LILRB2: variants seen among roughly 807,000 people sequenced by gnomAD.
The protein encoded by LILRB2 is leukocyte immunoglobulin-like receptor subfamily B member 2.
A neutral mutation model predicts 72.7 loss-of-function variants in LILRB2; 47 were observed. That is an observed-to-expected ratio of 0.65 (90% CI 0.51 to 0.82). The LOEUF (loss-of-function observed/expected upper bound fraction) is 0.82, where lower values mean the gene tolerates loss of function less well. LILRB2 is among the 40% of genes least tolerant of loss of function. LILRB2 has a pLI of 0.00. For synonymous variants in LILRB2, 279 were observed against 313.7 expected (o/e 0.89, Z 1.17); for missense variants, 767 against 764.8 (o/e 1.00, Z -0.03).
At chr19:54,278,788 G>A in intron 6 of LILRB2, 24 bp downstream of exon 6, 1 of 1,610,664 alleles carries the variant, frequency 6.2e-7, no homozygotes, top group Non-Finnish European at 8.5e-7. Context: ...CTGGGTCCCT[G>A]ACTGAACCCG....
At chr19:54,276,733 T>C in intron 10 of LILRB2, 74 bp downstream of exon 10, 2 of 1,550,462 alleles carry the variant, frequency 1.3e-6, no homozygotes, top group Non-Finnish European at 1.7e-6. Flanking sequence ...ATTTGCCCAG[T>C]GGTTTGGATT....
rs2080473657 is a variant in LILRB2, at chr19:54,279,982, G to A, written c.164C>T (p.Ala55Val). 1.2e-6 allele frequency: 2 copies of A among 1,614,124 alleles called. No homozygotes were observed. The highest frequency in any genetic ancestry group is 1.7e-5 in the Admixed American group (1 of 60,030). The change falls in exon 4 of 14, where the codon GCC becomes GTC. Residue 55 changes from alanine (A) to valine (V), a missense_variant. Coordinates refer to ENST00000314446, the MANE Select transcript of LILRB2 (RefSeq NM_001080978.4). ...CTCCCTATATAGACGGTACTCCTGG[G>A]CTTCAAGGCTCCCCTGACAACTGAG... ...VTLSCQGSLE[A>V]QEYRLYREKK...
Position 54,280,264 on chromosome 19 carries a change from C to G in LILRB2, c.70G>C (p.Gly24Arg). ...SLGPRTRVQTGTIPKPTLWAE... is the reference protein window; with the variant it reads ...SLGPRTRVQTRTIPKPTLWAE... The stretch of plus-strand genomic sequence containing the variant: ...CTGGGAGAGCTGGGGACAGACTCAC[C>G]TGTCTGCACGCGGGTCCTGGGGCCC... The change falls in exon 3 of 14, where the codon GGG (glycine) becomes CGG (arginine). Residue 24 changes from glycine to arginine, a missense_variant and splice_region_variant. Gly to Arg is a moderately radical substitution (Grantham distance 125). Around this residue, in one of 3 missense-constraint regions of LILRB2, gnomAD observed 599 missense variants for 568.2 expected, o/e 1.05. Transcript: ENST00000314446. 6.2e-7 allele frequency: 1 copy of G among 1,614,006 alleles called. No homozygotes were observed. Among genetic ancestry groups the G allele is most frequent in the South Asian group, 1.1e-5 (1 of 91,078 alleles).
In LILRB2 at chr19:54,280,628, T is replaced by C. The variant is rs1569112721; in HGVS notation, c.-48-84A>G. 1.4e-5 allele frequency: 21 copies of C among 1,542,296 alleles called. 2 individuals carry two copies. The Admixed American group carries it at 1.8e-4, about 13-fold the overall frequency. ...ACACTCAGAGGCTGGGTCCTTCTCATGGGGTGTTGTCATCTGCAGCCACAC... is the reference window on the plus strand; with the variant it reads ...ACACTCAGAGGCTGGGTCCTTCTCACGGGGTGTTGTCATCTGCAGCCACAC... On this transcript the variant is annotated intron_variant, in intron 1 of 13. Coordinates refer to ENST00000314446, the MANE Select transcript of LILRB2 (RefSeq NM_001080978.4).
chr19:54,277,813 T>TG (rs1252310086), intron 8 of LILRB2, 76 bp downstream of exon 8: 2 of 1,366,450 alleles, frequency 1.5e-6, no homozygotes, highest in Non-Finnish European at 2.0e-6. Flanking sequence ...CTGAAGGGAA[T>TG]GGGATCCTCC....
intron 12 of LILRB2, 98 bp downstream of exon 12, chr19:54,276,166 C>A: frequency 1.9e-6 from 3 of 1,589,990 alleles, no homozygotes; most frequent in Non-Finnish European, 2.6e-6. Context: ...TCACCCTGAG[C>A]CCCAGACCCT....
chr19:54,274,602 G>C lies in LILRB2; in HGVS notation c.*81C>G, dbSNP rs2080128016. The C allele has an allele frequency of 1.2e-5, 20 of 1,604,382 alleles. No individual in the cohort carries two copies. The highest frequency in any genetic ancestry group is 1.7e-5 in the Non-Finnish European group (20 of 1,173,604). Reference sequence around the variant, plus strand: ...GGTCCAGGCTGACTGGGGTTCATTGGTGTCCACTGGGGGCAGCTCCCGTGC... The same window carrying C: ...GGTCCAGGCTGACTGGGGTTCATTGCTGTCCACTGGGGGCAGCTCCCGTGC... On this transcript the variant is annotated 3_prime_UTR_variant, in exon 14 of 14. Transcript: ENST00000314446.
rs531059832 is a variant in LILRB2 at position 54,278,077 on chromosome 19, G to A, written c.1259-138C>T. 52 of 1,103,006 alleles carry A rather than the reference G, an allele frequency of 4.7e-5. No individual in the cohort carries two copies. In the East Asian group the frequency reaches 8.3e-4, roughly 18 times the overall value. 68.3% of individuals were successfully genotyped at this position (1,103,006 alleles called of 1,614,324 possible). On this transcript the variant is annotated intron_variant, in intron 7 of 13. Transcript: ENST00000314446. ...CGCCTCTCCTGTCCATGATGCTGGCGATGCCGCTGAGTGTGCGCAGGCCTG... is the reference window on the plus strand; with the variant it reads ...CGCCTCTCCTGTCCATGATGCTGGCAATGCCGCTGAGTGTGCGCAGGCCTG...
At chr19:54,278,714 GACC>G in intron 6 of LILRB2, 95 bp downstream of exon 6, 1 of 1,541,552 alleles carries the variant, frequency 6.5e-7, no homozygotes, top group East Asian at 2.4e-5. Context: ...CCTCCCTTGG[GACC>G]ACCCCCCGCC....
rs758821914 is a variant in LILRB2, at chr19:54,279,397, G to A, written c.606C>T (p.Asn202=). Residue 202 remains asparagine (N), a synonymous_variant, in exon 5 of 14, where the codon AAC becomes AAT. Coordinates refer to ENST00000314446, the MANE Select transcript of LILRB2 (RefSeq NM_001080978.4). The stretch of plus-strand genomic sequence containing the variant: ...TGGGTGAAGACCACACATAGGGAGA[G>A]TTCAAGTCATAACCATAGCACCTGT... The part of the protein sequence containing the change: ...WSHRCYGYDL[N]SPYVWSSPSD... 11 of 1,614,022 alleles carry A rather than the reference G, an allele frequency of 6.8e-6. No homozygotes were observed. Among genetic ancestry groups the A allele is most frequent in the Non-Finnish European group, 8.5e-6 (10 of 1,180,022 alleles).
At chr19:54,275,168 G>C (rs1217577205) in intron 13 of LILRB2, 3 of 1,474,450 alleles carry the variant, frequency 2.0e-6, no homozygotes, top group Non-Finnish European at 2.8e-6. Flanking sequence ...TCCCTTTCCC[G>C]ATGGAATCTC....
chr19:54,277,322 A>T (rs1447218826), intron 9 of LILRB2: 1 of 1,280,024 alleles, frequency 7.8e-7, no homozygotes. Context: ...CGAGTCTTGG[A>T]GTCTTCCCTG....
chr19:54,275,279 G>A (rs967170308), intron 13 of LILRB2: 38 of 665,636 alleles, frequency 5.7e-5, no homozygotes, highest in Admixed American at 9.0e-5. Context: ...AGCCTCATGG[G>A]CCTTCCCGCA....
intron 13 of LILRB2, 58 bp from the exon 14 acceptor site, chr19:54,274,887 G>C (rs1290060928): frequency 6.2e-7 from 1 of 1,610,510 alleles, no homozygotes; most frequent in African/African-American, 1.3e-5. Flanking sequence ...AGGCCTGGGG[G>C]CCTGGAGAGG....
Position 54,274,734 on chromosome 19 carries a change from T to G in LILRB2, c.1743A>C (p.Glu581Asp). 6.2e-7 allele frequency: 1 copy of G among 1,613,910 alleles called. No individual in the cohort carries two copies. Among genetic ancestry groups the G allele is most frequent in the Non-Finnish European group, 8.5e-7 (1 of 1,179,992 alleles). ...RKATEPPPSQ[E>D]REPPAEPSIY... Reference sequence around the variant, plus strand: ...TGCTGGGCTCAGCTGGAGGTTCCCTTTCCTGGGATGGAGGAGGCTCAGTTG... The same window carrying G: ...TGCTGGGCTCAGCTGGAGGTTCCCTGTCCTGGGATGGAGGAGGCTCAGTTG... Residue 581 changes from glutamate (E) to aspartate (D), a missense_variant, in exon 14 of 14, where the codon GAA (glutamate) becomes GAC (aspartate). Around this residue, in one of 3 missense-constraint regions of LILRB2, gnomAD observed 162 missense variants for 176.7 expected, o/e 0.92. Transcript: ENST00000314446.
rs771433769 is a variant in LILRB2, at chr19:54,274,725, A to AGAG, written c.1751_1752insCTC (p.Pro584_Pro585insSer). 3,493 of 1,609,732 alleles carry AGAG rather than the reference A, an allele frequency of 2.2e-3. 211 individuals carry two copies. The South Asian group carries it at 0.029, about 13-fold the overall frequency. On this transcript the variant is annotated inframe_insertion, in exon 14 of 14. Transcript: ENST00000314446. Reference sequence around the variant, plus strand: ...TGGCGTAGATGCTGGGCTCAGCTGGAGGTTCCCTTTCCTGGGATGGAGGAG... The same window carrying AGAG: ...TGGCGTAGATGCTGGGCTCAGCTGGAGAGGGTTCCCTTTCCTGGGATGGAGGAG...
chr19:54,280,161 A>G (rs1316053305), intron 3 of LILRB2, 86 bp from the exon 4 acceptor site: 9 of 1,609,586 alleles, frequency 5.6e-6, no homozygotes, highest in South Asian at 3.3e-5. Context: ...AGATGCCCCC[A>G]TCAGTCAGTC....
intron 5 of LILRB2, 102 bp from the exon 6 acceptor site, chr19:54,279,210 C>T (rs982791741): frequency 4.4e-5 from 68 of 1,548,220 alleles, no homozygotes; most frequent in Non-Finnish European, 5.8e-5. Flanking sequence ...TCCTGTGTCT[C>T]TGGCCCCAGG....
At chr19:54,276,661 T>A in intron 10 of LILRB2, 146 bp downstream of exon 10, 1 of 1,471,964 alleles carries the variant, frequency 6.8e-7, no homozygotes, top group Non-Finnish European at 9.2e-7. Context: ...TAGATGGGAC[T>A]GACGTTAAGT....
Sources: allele counts gnomAD v4.1 joint callset, GRCh38; gene constraint gnomAD v4.1.1; regional missense constraint gnomAD v4.1.1; transcripts MANE v1.5; gene names NCBI Gene and HGNC (gene_info 2026-07-23, HGNC 2026-07-21).